MALRD1: variants seen among roughly 807,000 people sequenced by gnomAD.
MALRD1 encodes the protein MAM and LDL-receptor class A domain-containing protein 1.
MALRD1 carries 247 observed loss-of-function variants against 242.1 expected under a neutral mutation model. That is an observed-to-expected ratio of 1.02 (90% CI 0.92 to 1.13). MALRD1 has a LOEUF of 1.13. Ranked by LOEUF, MALRD1 falls within the 50% of genes most tolerant of loss-of-function variation. MALRD1 has a pLI of 0.00. For synonymous variants in MALRD1, 995 were observed against 866.6 expected (o/e 1.15, Z -2.60); for missense variants, 2,989 against 2,533.1 (o/e 1.18, Z -3.86).
At chr10:19,204,830 A>C in intron 16 of MALRD1, 68 bp from the exon 17 acceptor site, 1 of 1,423,830 alleles carries the variant, frequency 7.0e-7, no homozygotes, top group Non-Finnish European at 9.3e-7. Context: ...TGAGTAGAAA[A>C]ATCTAAAGGT....
intron 31 of MALRD1, among the ~76,000 whole-genome samples, chr10:19,526,158 A>G (rs1834091476): frequency 6.6e-6 from 1 of 152,126 alleles, no homozygotes; most frequent in African/African-American, 2.4e-5. Context: ...GTAGGTCTCA[A>G]TGAAGCAACT....
At chr10:19,305,810 CTATTATGTATATACTATATATACTATA>C (rs1346256821) in intron 21 of MALRD1, among the ~76,000 whole-genome samples, 27 of 133,822 alleles carry the variant, frequency 2.0e-4, no homozygotes, top group Middle Eastern at 4.6e-3. Flanking sequence ...TATATACTAT[CTATTATGTATATACTATATATACTATA>C]TATTATGTAT....
At chr10:19,393,109 A>G (rs895644152) in intron 28 of MALRD1, among the ~76,000 whole-genome samples, 51 of 152,176 alleles carry the variant, frequency 3.4e-4, no homozygotes, top group Non-Finnish European at 1.0e-4. Context: ...GGTTGGGTGT[A>G]TGTCTTTCTA....
intron 38 of MALRD1, among the ~76,000 whole-genome samples, chr10:19,715,540 G>T (rs1214941386): frequency 6.6e-6 from 1 of 152,130 alleles, no homozygotes; most frequent in Non-Finnish European, 1.5e-5. Flanking sequence ...TTGGAGAAAA[G>T]TATATGTTAG....
intron 32 of MALRD1, among the ~76,000 whole-genome samples, chr10:19,547,805 TATATATATATATA>T (rs1438068063): frequency 3.9e-4 from 6 of 15,364 alleles, no homozygotes; most frequent in East Asian, 4.6e-3. Context: ...TATATATATA[TATATATATATATA>T]TTTTTTTTTT....
chr10:19,223,200 G>A lies in MALRD1; in HGVS notation c.2991+13520G>A, dbSNP rs189606274. Among the ~76,000 whole-genome samples the A allele has an allele frequency of 1.1e-4, 16 of 151,908 alleles. No homozygotes were observed. In the East Asian group the frequency reaches 1.7e-3, roughly 17 times the overall value. On this transcript the variant is annotated intron_variant, in intron 18 of 39. Transcript: ENST00000454679. ...ATATTGTAGTTGATTATTATTCGAG[G>A]GCCTCCCAGAATTTCAAGGTCTGAA...
chr10:19,163,949 T>A (rs551966427), intron 12 of MALRD1, among the ~76,000 whole-genome samples: 2 of 152,338 alleles, frequency 1.3e-5, no homozygotes, highest in East Asian at 3.9e-4. Context: ...AGAATTCTGA[T>A]GGGACATGCA....
intron 36 of MALRD1, among the ~76,000 whole-genome samples, chr10:19,683,081 G>A (rs1842439312): frequency 3.3e-5 from 5 of 151,672 alleles, no homozygotes; most frequent in Admixed American, 3.3e-4. Context: ...ATCACTTGAG[G>A]CCACGTAGTT....
intron 5 of MALRD1, among the ~76,000 whole-genome samples, chr10:19,120,938 T>G (rs937975952): frequency 6.6e-5 from 10 of 152,234 alleles, no homozygotes; most frequent in South Asian, 2.1e-4. Context: ...GATACGGAGT[T>G]TCGCCATGTT....
At chr10:19,396,232 G>T (rs1418880083) in intron 28 of MALRD1, among the ~76,000 whole-genome samples, 1 of 149,218 alleles carries the variant, frequency 6.7e-6, no homozygotes, top group African/African-American at 2.5e-5. Context: ...CCACCTCCTG[G>T]TTCAAGCGAT....
intron 18 of MALRD1, among the ~76,000 whole-genome samples, chr10:19,254,778 T>C (rs956943145): frequency 6.6e-6 from 1 of 151,820 alleles, no homozygotes; most frequent in Non-Finnish European, 1.5e-5. Context: ...ATATAATGTA[T>C]CTGAGGATAC....
intron 21 of MALRD1, among the ~76,000 whole-genome samples, chr10:19,322,692 C>T (rs749439123): frequency 2.6e-5 from 4 of 152,102 alleles, no homozygotes; most frequent in Non-Finnish European, 2.9e-5. Flanking sequence ...ACTGGCAAGA[C>T]CTGCAAGACT....
intron 38 of MALRD1, among the ~76,000 whole-genome samples, chr10:19,715,698 C>T (rs1834349847): frequency 6.6e-6 from 1 of 152,172 alleles, no homozygotes; most frequent in African/African-American, 2.4e-5. Context: ...GGCGGTTCTG[C>T]AGGCTGTACA....
intron 14 of MALRD1, among the ~76,000 whole-genome samples, chr10:19,190,658 ATTTT>A (rs35922631): frequency 0.43 from 63,096 of 145,146 alleles, 13,657 homozygotes; most frequent in Admixed American, 0.5. Context: ...TGAACAAGTG[ATTTT>A]TTTTTTTTTT....
At chr10:19,245,070 G>C (rs72796410) in intron 18 of MALRD1, among the ~76,000 whole-genome samples, 1 of 152,310 alleles carries the variant, frequency 6.6e-6, no homozygotes, top group Non-Finnish European at 1.5e-5. Context: ...GGGATGAAAA[G>C]CAGGTACAAA....
chr10:19,124,042 C>G (rs55814919), intron 6 of MALRD1, among the ~76,000 whole-genome samples: 7,201 of 105,836 alleles, frequency 0.068, 163 homozygotes, highest in South Asian at 0.14. Context: ...GTCATCTCTA[C>G]CAAAAAAAAA....
chr10:19,359,464 G>T (rs10734013), intron 26 of MALRD1, among the ~76,000 whole-genome samples: 118,972 of 151,962 alleles, frequency 0.78, 47,145 homozygotes, highest in African/African-American at 0.9. Context: ...GGAGTAGCAA[G>T]GGAGGCTGTT....
intron 36 of MALRD1, among the ~76,000 whole-genome samples, chr10:19,637,394 A>G (rs1225681295): frequency 6.6e-6 from 1 of 152,204 alleles, no homozygotes; most frequent in Non-Finnish European, 1.5e-5. Context: ...GGAAGTATAG[A>G]TTAATCTTAA....
intron 26 of MALRD1, among the ~76,000 whole-genome samples, chr10:19,368,871 A>ATG (rs35474463): frequency 8.5e-5 from 12 of 141,806 alleles, no homozygotes; most frequent in Non-Finnish European, 1.2e-4. Flanking sequence ...TGATTTGTGT[A>ATG]TGTGTGTGTG....
Sources: allele counts gnomAD v4.1 joint callset (sites outside exome capture counted in the v4.1 genomes callset), GRCh38; gene constraint gnomAD v4.1.1; transcripts MANE v1.5; gene names NCBI Gene and HGNC (gene_info 2026-07-23, HGNC 2026-07-21).